The following GPBP1L1 variants were observed in gnomAD, a reference collection of about 807,000 sequenced individuals.
The protein encoded by GPBP1L1 is vasculin-like protein 1.
A neutral mutation model predicts 52.5 loss-of-function variants in GPBP1L1; 23 were observed. The observed-to-expected ratio is 0.44, with a 90% CI of 0.32 to 0.62. GPBP1L1 has a LOEUF of 0.62. GPBP1L1 is among the 20% of genes least tolerant of loss of function. GPBP1L1 has a pLI of 0.06. For missense variants in GPBP1L1, 596 were observed against 579.3 expected (o/e 1.03, Z -0.30); for synonymous variants, 243 against 203.1 (o/e 1.20, Z -1.67).
At position 45,641,303 on chromosome 1, in the gene GPBP1L1, C is replaced by T. The variant is rs78227839; in HGVS notation, c.551-900G>A. Among the ~76,000 whole-genome samples, 953 of 152,110 alleles carry T rather than the reference C, an allele frequency of 6.3e-3. 10 individuals carry two copies. Among genetic ancestry groups the T allele is most frequent in the African/African-American group, 0.021 (888 of 41,504 alleles). On this transcript the variant is annotated intron_variant, in intron 7 of 12. Transcript: ENST00000355105. ...CCAGGAGAGTCCAATTTGTAAATGC[C>T]AAAGATCCCAATGCCACAGATGAGG...
chr1:45,667,504 C>G (rs1396506293), intron 2 of GPBP1L1, among the ~76,000 whole-genome samples: 1 of 152,112 alleles, frequency 6.6e-6, no homozygotes, highest in Non-Finnish European at 1.5e-5. Flanking sequence ...CCTCCCCGGC[C>G]AAGAGTCTTA....
chr1:45,677,043 T>C (rs1187517820), intron 2 of GPBP1L1, among the ~76,000 whole-genome samples: 2 of 138,826 alleles, frequency 1.4e-5, no homozygotes, highest in African/African-American at 5.3e-5. Context: ...AAAACAAAGC[T>C]AAAAAAAAAA....
intron 2 of GPBP1L1, among the ~76,000 whole-genome samples, chr1:45,674,043 A>G (rs1569877331): frequency 6.6e-6 from 1 of 151,918 alleles, no homozygotes; most frequent in African/African-American, 2.4e-5. Flanking sequence ...GTGCCATTGC[A>G]CTCCAGCCTG....
chr1:45,631,168 G>A (rs1644526367), intron 10 of GPBP1L1, among the ~76,000 whole-genome samples: 1 of 151,728 alleles, frequency 6.6e-6, no homozygotes. Flanking sequence ...AGACCTAAAT[G>A]TAAAACACAA....
chr1:45,683,783 G>A (rs190466445), intron 2 of GPBP1L1, among the ~76,000 whole-genome samples: 1 of 150,318 alleles, frequency 6.7e-6, no homozygotes, highest in East Asian at 2.0e-4. Context: ...TTAGCTGGGT[G>A]CGGTGGCACG....
intron 2 of GPBP1L1, among the ~76,000 whole-genome samples, chr1:45,670,787 CTTTTTTT>C (rs1157864588): frequency 1.8e-5 from 2 of 111,198 alleles, no homozygotes; most frequent in African/African-American, 3.4e-5. Context: ...TACCATATGT[CTTTTTTT>C]TTTTTTTTTT....
At chr1:45,686,974 G>T (rs1435712061), upstream of GPBP1L1, 1 of 152,420 alleles carries the variant, frequency 6.6e-6, no homozygotes, top group African/African-American at 2.4e-5. Context: ...CCCTTGGCCA[G>T]TGCGCGTCCC....
At chr1:45,658,023 T>TG (rs1319478506) in intron 4 of GPBP1L1, among the ~76,000 whole-genome samples, 1 of 152,188 alleles carries the variant, frequency 6.6e-6, no homozygotes, top group Non-Finnish European at 1.5e-5. Flanking sequence ...GCTGGCAAAA[T>TG]GGGAAGCACT....
chr1:45,678,121 A>T (rs554227495), intron 2 of GPBP1L1, among the ~76,000 whole-genome samples: 1 of 152,196 alleles, frequency 6.6e-6, no homozygotes, highest in Non-Finnish European at 1.5e-5. Context: ...GAGAGAGAGA[A>T]AGTAGATTAG....
rs115694144 is a variant in GPBP1L1, at chr1:45,674,500, T to C, written c.-1098+11076A>G. On this transcript the variant is annotated intron_variant, in intron 2 of 12. Coordinates refer to ENST00000355105, the MANE Select transcript of GPBP1L1 (RefSeq NM_021639.5). ...CTTCTCCCTACCCTGTGATTACAGA[T>C]GGTCCCTAACTTAGGACGATAGTTC... Among the ~76,000 whole-genome samples the C allele has an allele frequency of 2.6e-3, 402 of 152,348 alleles. 6 individuals carry two copies. Among genetic ancestry groups the C allele is most frequent in the African/African-American group, 9.4e-3 (389 of 41,594 alleles).
At chr1:45,664,678 GTTTT>G (rs1196990295) in intron 2 of GPBP1L1, among the ~76,000 whole-genome samples, 1 of 151,816 alleles carries the variant, frequency 6.6e-6, no homozygotes, top group Non-Finnish European at 1.5e-5. Context: ...TTTTTGTTTT[GTTTT>G]GTTTTGTTTT....
At chr1:45,685,871 T>C (rs901797164) in intron 1 of GPBP1L1, among the ~76,000 whole-genome samples, 4 of 151,878 alleles carry the variant, frequency 2.6e-5, no homozygotes, top group Non-Finnish European at 5.9e-5. Context: ...GGAAAGGAGG[T>C]TGGTAGATAT....
chr1:45,663,468 G>A (rs777609162), intron 2 of GPBP1L1, among the ~76,000 whole-genome samples: 1 of 152,174 alleles, frequency 6.6e-6, no homozygotes, highest in South Asian at 2.1e-4. Context: ...AGTGACTGTA[G>A]AAGAAATACT....
At chr1:45,687,774 C>T (rs1007996085), upstream of GPBP1L1, 1 of 152,352 alleles carries the variant, frequency 6.6e-6, no homozygotes, top group Admixed American at 6.5e-5. Context: ...GATGTAAGAA[C>T]TGGGCTTTTT....
At chr1:45,657,311 A>G (rs555916242) in intron 4 of GPBP1L1, among the ~76,000 whole-genome samples, 3 of 152,136 alleles carry the variant, frequency 2.0e-5, no homozygotes, top group South Asian at 2.1e-4. Flanking sequence ...AGGCAGGTAC[A>G]TCGCTTGAGC....
chr1:45,664,764 C>T (rs1644990029), intron 2 of GPBP1L1, among the ~76,000 whole-genome samples: 1 of 151,936 alleles, frequency 6.6e-6, no homozygotes, highest in Non-Finnish European at 1.5e-5. Flanking sequence ...CAACCTCTGC[C>T]TCCTCCCGGG....
At chr1:45,678,295 A>C (rs543159850) in intron 2 of GPBP1L1, among the ~76,000 whole-genome samples, 15 of 152,364 alleles carry the variant, frequency 9.8e-5, no homozygotes, top group African/African-American at 3.4e-4. Flanking sequence ...TGTTATATAA[A>C]TTACAGCTCA....
intron 2 of GPBP1L1, among the ~76,000 whole-genome samples, chr1:45,675,162 A>T (rs920943324): frequency 7.9e-5 from 12 of 151,786 alleles, no homozygotes; most frequent in African/African-American, 2.9e-4. Context: ...CTGGGCGTGG[A>T]GGTGCATGCC....
At chr1:45,673,645 A>T (rs1260435752) in intron 2 of GPBP1L1, among the ~76,000 whole-genome samples, 1 of 152,232 alleles carries the variant, frequency 6.6e-6, no homozygotes, top group Non-Finnish European at 1.5e-5. Flanking sequence ...GCGGATCACA[A>T]GGTCAGGAGT....
Sources: allele counts gnomAD v4.1 joint callset (sites outside exome capture counted in the v4.1 genomes callset), GRCh38; gene constraint gnomAD v4.1.1; transcripts MANE v1.5; gene names NCBI Gene and HGNC (gene_info 2026-07-23, HGNC 2026-07-21).